Variants in CCDC88C observed in about 807,000 individuals in gnomAD.
The protein encoded by CCDC88C is coiled-coil and HOOK domain protein 88C.
CCDC88C carries 131 observed loss-of-function variants against 198.8 expected under a neutral mutation model. The ratio of observed to expected loss-of-function variants is 0.66; its 90% CI spans 0.57 to 0.76. The LOEUF (loss-of-function observed/expected upper bound fraction) is 0.76, where lower values mean the gene tolerates loss of function less well. Among genes scored for constraint, CCDC88C ranks in the 30% least tolerant of loss-of-function variants. The pLI, the probability that CCDC88C is intolerant of heterozygous loss-of-function variation, is 0.00. For synonymous variants in CCDC88C, 1,166 were observed against 1,114.7 expected, an observed-to-expected ratio of 1.05 and a Z score of -0.92; for missense variants, 2,553 against 2,631.6, an observed-to-expected ratio of 0.97 and a Z score of 0.65.
rs751644032 is a variant in CCDC88C at position 91,313,294 on chromosome 14, G to A, written c.2522C>T (p.Ala841Val). 75 of 1,613,754 alleles carry A rather than the reference G, an allele frequency of 4.6e-5. 1 individual carries two copies. The South Asian group carries it at 7.7e-4, about 17-fold the overall frequency. Residue 841 changes from alanine (A) to valine (V), a missense_variant, in exon 15 of 30, where the codon GCC becomes GTC. By Grantham distance (64) the Ala-to-Val change is moderately conservative (BLOSUM62 0). Around this residue, in one of 2 missense-constraint regions of CCDC88C, gnomAD observed 1,260 missense variants for 1,412.0 expected, o/e 0.89. Coordinates refer to ENST00000389857, the MANE Select transcript of CCDC88C (RefSeq NM_001080414.4). This position sits in a 1 kb window ranked among gnomAD's most constrained non-coding sequence, Gnocchi z 5.2. ...CTCCACCTGCTGCCACAGCCGCTTGGCCTCCTTCTCCAGCAGCTTCTTATC... is the reference window on the plus strand; with the variant it reads ...CTCCACCTGCTGCCACAGCCGCTTGACCTCCTTCTCCAGCAGCTTCTTATC... Reference protein sequence around the residue: ...EKDKKLLEKEAKRLWQQVELK... With the variant: ...EKDKKLLEKEVKRLWQQVELK...
At chr14:91,362,262 CGTTCCAGT>C (rs1027906777) in intron 3 of CCDC88C, among the ~76,000 whole-genome samples, 1 of 151,554 alleles carries the variant, frequency 6.6e-6, no homozygotes, top group African/African-American at 2.4e-5. Flanking sequence ...AAAAAGACTA[CGTTCCAGT>C]GTTCCAGTCA....
intron 17 of CCDC88C, among the ~76,000 whole-genome samples, chr14:91,307,791 T>C (rs1257594633): frequency 6.6e-6 from 1 of 152,222 alleles, no homozygotes; most frequent in Non-Finnish European, 1.5e-5. Context: ...GTGTGGAGTG[T>C]GCACACACGT....
At chr14:91,287,181 T>C (rs531474584) in intron 25 of CCDC88C, among the ~76,000 whole-genome samples, 53 of 152,260 alleles carry the variant, frequency 3.5e-4, no homozygotes, top group Non-Finnish European at 6.2e-4. Flanking sequence ...GGAGCCAATA[T>C]AAAAACCTGA....
chr14:91,306,719 G>A (rs949254868), intron 18 of CCDC88C, among the ~76,000 whole-genome samples: 1 of 152,216 alleles, frequency 6.6e-6, no homozygotes. Context: ...GGGCATGACT[G>A]TCTGCTAATA....
chr14:91,366,755 G>A (rs1894561842), intron 3 of CCDC88C, among the ~76,000 whole-genome samples: 1 of 152,216 alleles, frequency 6.6e-6, no homozygotes, highest in Admixed American at 6.5e-5. Flanking sequence ...AGTGAAGGGG[G>A]ACGGGGTCCT....
intron 3 of CCDC88C, among the ~76,000 whole-genome samples, chr14:91,360,395 T>C (rs11844165): frequency 0.3 from 46,098 of 151,532 alleles, 7,170 homozygotes; most frequent in Non-Finnish European, 0.34. Flanking sequence ...ATACAGTGAG[T>C]TATCACACCA....
intron 4 of CCDC88C, among the ~76,000 whole-genome samples, chr14:91,355,392 T>C (rs777988383): frequency 5.3e-5 from 8 of 152,120 alleles, no homozygotes; most frequent in Non-Finnish European, 8.8e-5. Context: ...AGAGCCGTCA[T>C]ATAAAAGTGA....
chr14:91,292,958 T>C (rs1275713920), intron 23 of CCDC88C, among the ~76,000 whole-genome samples: 1 of 151,272 alleles, frequency 6.6e-6, no homozygotes, highest in Non-Finnish European at 1.5e-5. Flanking sequence ...CCCACCTCCT[T>C]TTCCAGCCTT....
At chr14:91,299,288 GA>G (rs1407215920) in intron 21 of CCDC88C, among the ~76,000 whole-genome samples, 20 of 152,204 alleles carry the variant, frequency 1.3e-4, no homozygotes, top group Non-Finnish European at 2.5e-4. Flanking sequence ...TTAGGGACAT[GA>G]AACAGCACTT....
rs750395927 is a variant in CCDC88C at position 91,278,114 on chromosome 14, T to C, written c.4866A>G (p.Thr1622=). ...GGCGGCCGAGGGCGTTGCGTCCCGG[T>C]GTGCTGGCTTCCCGGGGCAAAGTGG... is the stretch of plus-strand genomic sequence containing the variant. ...DLATLPREAS[T]PGRNALGRHE... The change falls in exon 29 of 30, where the codon ACA becomes ACG. Residue 1622 remains threonine (T), a synonymous_variant. Coordinates refer to ENST00000389857, the MANE Select transcript of CCDC88C (RefSeq NM_001080414.4). 9 of 1,613,082 alleles carry C rather than the reference T, an allele frequency of 5.6e-6. No individual in the cohort carries two copies. In the Admixed American group the frequency reaches 1.0e-4, roughly 18 times the overall value.
chr14:91,405,180 A>G (rs1886416888), intron 3 of CCDC88C, among the ~76,000 whole-genome samples: 1 of 152,086 alleles, frequency 6.6e-6, no homozygotes, highest in Non-Finnish European at 1.5e-5. Flanking sequence ...GGTCAACTTG[A>G]GCATCCTAGC....
At chr14:91,393,805 G>T (rs1204697721) in intron 3 of CCDC88C, among the ~76,000 whole-genome samples, 1 of 152,202 alleles carries the variant, frequency 6.6e-6, no homozygotes, top group Non-Finnish European at 1.5e-5. Context: ...AGTGAGCCGA[G>T]ATCGCACCAC....
intron 3 of CCDC88C, among the ~76,000 whole-genome samples, chr14:91,382,300 T>A (rs1034303400): frequency 1.3e-5 from 2 of 151,974 alleles, no homozygotes; most frequent in Admixed American, 1.3e-4. Flanking sequence ...ACCAATCAAC[T>A]CAAGATTAAA....
At chr14:91,316,828 C>T (rs966738404) in intron 13 of CCDC88C, among the ~76,000 whole-genome samples, 2 of 152,190 alleles carry the variant, frequency 1.3e-5, no homozygotes, top group Non-Finnish European at 2.9e-5. Flanking sequence ...TCCTATACTC[C>T]GGTCCATCCC....
intron 24 of CCDC88C, among the ~76,000 whole-genome samples, chr14:91,290,579 G>T (rs968675035): frequency 6.6e-6 from 1 of 152,186 alleles, no homozygotes; most frequent in Non-Finnish European, 1.5e-5. Context: ...AAGGTCAAAA[G>T]GTTCCCACAT....
chr14:91,293,394 GCCCACCTTCCTGCCCC>G (rs1890793896), intron 23 of CCDC88C, among the ~76,000 whole-genome samples: 1 of 34,044 alleles, frequency 2.9e-5, no homozygotes. Context: ...GCCTGCCACA[GCCCACCTTCCTGCCCC>G]CTCACCTGCC....
chr14:91,382,942 C>G (rs931292662), intron 3 of CCDC88C, among the ~76,000 whole-genome samples: 1 of 152,150 alleles, frequency 6.6e-6, no homozygotes, highest in Admixed American at 6.5e-5. Flanking sequence ...TCCTACTTAC[C>G]CAGGAGGCTA....
At position 91,292,195 on chromosome 14, in the gene CCDC88C, C is replaced by T. The variant is rs549387282; in HGVS notation, c.4113-1111G>A. Among the ~76,000 whole-genome samples, 94 of 152,328 alleles carry T rather than the reference C, an allele frequency of 6.2e-4. 1 individual carries two copies. The highest frequency in any genetic ancestry group is 2.0e-3 in the African/African-American group (85 of 41,572). Reference sequence around the variant, plus strand: ...GCTCCCAGTCCCTTGACTCGACATCCGTGTGCTGGTGTTCTGTGCTCACGG... The same window carrying T: ...GCTCCCAGTCCCTTGACTCGACATCTGTGTGCTGGTGTTCTGTGCTCACGG... On this transcript the variant is annotated intron_variant, in intron 23 of 29. Transcript: ENST00000389857.
chr14:91,308,540 G>A (rs377442900), intron 16 of CCDC88C, 48 bp from the exon 17 acceptor site: 130 of 1,586,156 alleles, frequency 8.2e-5, no homozygotes, highest in South Asian at 4.7e-4. Flanking sequence ...CTTCCTCTCC[G>A]CAAGTTCCCA....
Sources: gnomAD v4.1 joint callset for allele counts (sites outside exome capture counted in the v4.1 genomes callset) on GRCh38, gnomAD v4.1.1 for gene constraint, gnomAD v4.1.1 regional missense constraint, Gnocchi (gnomAD v3.1) non-coding constraint, MANE v1.5 for transcripts, NCBI Gene and HGNC (gene_info 2026-07-23, HGNC 2026-07-21) for gene names.